Variants in COA6 observed in about 807,000 individuals in gnomAD.
COA6 encodes the protein cytochrome c oxidase assembly factor 6, also known as cytochrome c oxidase assembly factor 6 homolog.
A neutral mutation model predicts 17.1 loss-of-function variants in COA6; 12 were observed. The ratio of observed to expected loss-of-function variants is 0.70; its 90% confidence interval spans 0.45 to 1.14. The LOEUF is 1.14. Among genes scored for constraint, COA6 ranks in the 50% most tolerant of loss-of-function variants. COA6 has a pLI of 0.00. For missense variants in COA6, 246 were observed against 196.5 expected (o/e 1.25, Z -1.51); for synonymous variants, 90 against 73.4 (o/e 1.23, Z -1.16).
At chr1:234,376,788 C>T (rs1658807502) in intron 2 of COA6, among the ~76,000 whole-genome samples, 1 of 152,168 alleles carries the variant, frequency 6.6e-6, no homozygotes, top group African/African-American at 2.4e-5. Flanking sequence ...TTTGGAATGC[C>T]TTGCTGTGAG....
At chr1:234,382,552 C>G (rs1359088864) in intron 2 of COA6, among the ~76,000 whole-genome samples, 1 of 152,230 alleles carries the variant, frequency 6.6e-6, no homozygotes, top group Non-Finnish European at 1.5e-5. Context: ...GTTATCCTAG[C>G]TTGATTGATA....
chr1:234,380,276 C>T (rs1658934898), intron 2 of COA6, among the ~76,000 whole-genome samples: 1 of 152,160 alleles, frequency 6.6e-6, no homozygotes, highest in Non-Finnish European at 1.5e-5. Context: ...TGGGGAGGCA[C>T]ACGGGAGGGC....
rs570292828 is a variant in COA6, at chr1:234,374,026, G to A, written c.213-204G>A. On this transcript the variant is annotated intron_variant, in intron 1 of 2. Coordinates refer to ENST00000366615, the MANE Select transcript of COA6 (RefSeq NM_001206641.3). ...TCACACAGTGTGAGATAAGCCTCAA[G>A]AGCGGGTGGCCTTATGCTGCCACTG... 4 of 933,188 alleles carry A rather than the reference G, an allele frequency of 4.3e-6. No individual in the cohort carries two copies. The African/African-American group carries it at 5.0e-5, about 12-fold the overall frequency. The allele number at this position is 933,188 out of a possible 1,614,324, so 57.8% of individuals were successfully genotyped here.
At chr1:234,383,599 A>ACAC in intron 2 of COA6, 124 bp from the exon 3 acceptor site, 1 of 538,592 alleles carries the variant, frequency 1.9e-6, no homozygotes, top group Non-Finnish European at 3.3e-6. Flanking sequence ...CACACACACA[A>ACAC]AATGGTTCTA....
At chr1:234,382,534 G>C (rs1182611495) in intron 2 of COA6, among the ~76,000 whole-genome samples, 1 of 152,204 alleles carries the variant, frequency 6.6e-6, no homozygotes, top group South Asian at 2.1e-4. Context: ...CTGACTTTGT[G>C]TGTGTCTGTT....
rs375842434 is a variant in COA6, at chr1:234,374,634, A to G, written c.372+245A>G. On this transcript the variant is annotated intron_variant, in intron 2 of 2. Transcript: ENST00000366615. ...ACAACAAACATATGAACAGTAACCA[A>G]AAAATTCCAGTTCATTTCACTGGTA... is the stretch of plus-strand genomic sequence containing the variant. Among the ~76,000 whole-genome samples, 3 of 152,300 alleles carry G rather than the reference A, an allele frequency of 2.0e-5. No homozygotes were observed. The East Asian group carries it at 5.8e-4, about 29-fold the overall frequency.
intron 2 of COA6, among the ~76,000 whole-genome samples, chr1:234,375,668 T>C (rs1658771360): frequency 6.6e-6 from 1 of 152,152 alleles, no homozygotes; most frequent in South Asian, 2.1e-4. Flanking sequence ...TTCTTTAATT[T>C]TTAGAGACAG....
At position 234,384,588 on chromosome 1, in the gene COA6, A is replaced by AAAT. The variant is rs1659075788; in HGVS notation, c.*771_*773dup. ...TACCATTTGTGAATAGCACCAAAAA[A>AAAT]AATTAAAGGAATACTTAGGTATAAA... On this transcript the variant is annotated 3_prime_UTR_variant, in exon 3 of 3. Coordinates refer to ENST00000366615, the MANE Select transcript of COA6 (RefSeq NM_001206641.3). 6.6e-6 allele frequency among the ~76,000 whole-genome samples: 1 copy of AAAT among 152,190 alleles called. No homozygotes were observed. Among genetic ancestry groups the AAAT allele is most frequent in the Non-Finnish European group, 1.5e-5 (1 of 68,032 alleles).
chr1:234,377,113 TCTC>T (rs1409730755), intron 2 of COA6, among the ~76,000 whole-genome samples: 5 of 119,028 alleles, frequency 4.2e-5, no homozygotes, highest in Admixed American at 9.4e-5. Flanking sequence ...CCAGTCTCTG[TCTC>T]CTCTTTTTTT....
chr1:234,375,477 C>A (rs772103255), intron 2 of COA6, among the ~76,000 whole-genome samples: 9 of 152,096 alleles, frequency 5.9e-5, no homozygotes, highest in Non-Finnish European at 1.0e-4. Context: ...GCAAAATATA[C>A]CATGTAGTTG....
chr1:234,382,613 G>A (rs558361256), intron 2 of COA6, among the ~76,000 whole-genome samples: 14 of 152,252 alleles, frequency 9.2e-5, no homozygotes, highest in South Asian at 8.3e-4. Flanking sequence ...TTTTACTTAC[G>A]AGCACCACTG....
chr1:234,374,659 A>G (rs1658736581), intron 2 of COA6, among the ~76,000 whole-genome samples: 1 of 152,228 alleles, frequency 6.6e-6, no homozygotes, highest in African/African-American at 2.4e-5. Context: ...TTTCACTGGT[A>G]GACTTTTCCA....
At chr1:234,379,837 G>A (rs539334509) in intron 2 of COA6, among the ~76,000 whole-genome samples, 2 of 152,262 alleles carry the variant, frequency 1.3e-5, no homozygotes, top group Admixed American at 6.5e-5. Flanking sequence ...CAAGAACAGC[G>A]TGGGAGAAAC....
At chr1:234,374,879 G>A (rs568160552) in intron 2 of COA6, among the ~76,000 whole-genome samples, 10 of 152,286 alleles carry the variant, frequency 6.6e-5, no homozygotes, top group South Asian at 4.1e-4. Context: ...GCATTCAAGC[G>A]CTGTATCCCC....
intron 2 of COA6, among the ~76,000 whole-genome samples, chr1:234,383,253 C>G (rs1014784351): frequency 6.6e-6 from 1 of 152,014 alleles, no homozygotes; most frequent in African/African-American, 2.4e-5. Context: ...GGTCTGTAAT[C>G]CAAAAAGGAT....
chr1:234,382,385 A>G (rs1020728939), intron 2 of COA6, among the ~76,000 whole-genome samples: 1 of 152,218 alleles, frequency 6.6e-6, no homozygotes, highest in Non-Finnish European at 1.5e-5. Flanking sequence ...TCAGACTTCA[A>G]ACAGCAAATT....
chr1:234,383,663 C>A, intron 2 of COA6, 60 bp from the exon 3 acceptor site: 1 of 720,434 alleles, frequency 1.4e-6, no homozygotes, highest in Non-Finnish European at 2.5e-6. Flanking sequence ...TAAATCTGTG[C>A]TTTTGCTTAT....
Position 234,375,133 on chromosome 1 carries a change from C to CA in COA6, c.372+763dup, listed in dbSNP as rs11341337. Among the ~76,000 whole-genome samples the CA allele has an allele frequency of 1.1e-3, 142 of 128,440 alleles. 1 individual carries two copies. In the East Asian group the frequency reaches 0.018, roughly 16 times the overall value. The allele number at this position is 128,440 out of a possible 152,430, so 84.3% of individuals were successfully genotyped here. A position where few individuals can be genotyped will look rare whatever the true frequency, so the allele number is the denominator to read the frequency against. On this transcript the variant is annotated intron_variant, in intron 2 of 2. Coordinates refer to ENST00000366615, the MANE Select transcript of COA6 (RefSeq NM_001206641.3). ...TGAAACCCCATCTCTACTAAAAATA[C>CA]AAAAAAAAAAAAAAAAAAATAGCTG...
intron 1 of COA6, chr1:234,373,988 A>G: frequency 9.3e-7 from 1 of 1,071,068 alleles, no homozygotes; most frequent in South Asian, 1.6e-5. Context: ...CTGCCGCCCC[A>G]GCAGGGATCA....
Sources: allele counts gnomAD v4.1 joint callset (sites outside exome capture counted in the v4.1 genomes callset), GRCh38; gene constraint gnomAD v4.1.1; transcripts MANE v1.5; gene names NCBI Gene and HGNC (gene_info 2026-07-23, HGNC 2026-07-21).